The following DNM3 variants were observed in gnomAD, a reference collection of about 807,000 sequenced individuals.
The protein encoded by DNM3 is dynamin-3.
A neutral mutation model predicts 101.6 loss-of-function variants in DNM3; 47 were observed. The observed-to-expected ratio is 0.46, with a 90% confidence interval of 0.37 to 0.59. The LOEUF (loss-of-function observed/expected upper bound fraction) is 0.59, where lower values mean the gene tolerates loss of function less well. Ranked by LOEUF, DNM3 falls within the 20% of genes least tolerant of loss-of-function variation. The pLI is 0.00. For missense variants in DNM3, 849 were observed against 1,085.7 expected (o/e 0.78, Z 3.06); for synonymous variants, 385 against 387.9 (o/e 0.99, Z 0.09).
intron 14 of DNM3, among the ~76,000 whole-genome samples, chr1:172,161,335 G>C (rs1336229571): frequency 6.6e-6 from 1 of 151,848 alleles, no homozygotes; most frequent in Admixed American, 6.6e-5. Flanking sequence ...CAGAGCACTC[G>C]AATGTTATCA....
At chr1:172,106,474 G>A (rs569444475) in intron 13 of DNM3, among the ~76,000 whole-genome samples, 1 of 151,972 alleles carries the variant, frequency 6.6e-6, no homozygotes, top group African/African-American at 2.4e-5. Flanking sequence ...AGGAGGGAGA[G>A]GATACCTAAT....
chr1:171,962,529 C>T (rs1041281831), intron 2 of DNM3, among the ~76,000 whole-genome samples: 1 of 152,080 alleles, frequency 6.6e-6, no homozygotes, highest in African/African-American at 2.4e-5. Flanking sequence ...TTATTTCTCA[C>T]GGTTCTGGAG....
intron 2 of DNM3, among the ~76,000 whole-genome samples, chr1:171,943,247 G>C (rs2041938119): frequency 6.6e-6 from 1 of 152,168 alleles, no homozygotes; most frequent in African/African-American, 2.4e-5. Flanking sequence ...TCTTGTTTTT[G>C]TCAACCAAAA....
At chr1:171,904,927 G>C (rs958433762) in intron 1 of DNM3, among the ~76,000 whole-genome samples, 1 of 152,116 alleles carries the variant, frequency 6.6e-6, no homozygotes, top group South Asian at 2.1e-4. Context: ...GGGGGATTGC[G>C]CTGGACAAGT....
intron 2 of DNM3, among the ~76,000 whole-genome samples, chr1:171,985,190 G>T (rs985417747): frequency 1.3e-5 from 2 of 152,128 alleles, no homozygotes; most frequent in Non-Finnish European, 2.9e-5. Flanking sequence ...ATAGCCATAA[G>T]TCTTGAAGGG....
intron 13 of DNM3, among the ~76,000 whole-genome samples, chr1:172,095,320 C>G (rs1458590481): frequency 6.6e-6 from 1 of 152,156 alleles, no homozygotes; most frequent in Non-Finnish European, 1.5e-5. Context: ...GATAAATCCT[C>G]TCACATCAGA....
intron 16 of DNM3, among the ~76,000 whole-genome samples, chr1:172,320,537 A>G (rs1443197155): frequency 1.3e-5 from 2 of 152,098 alleles, no homozygotes; most frequent in Admixed American, 1.3e-4. Context: ...ACAACAGAAA[A>G]CCAAACACTG....
At position 172,287,696 on chromosome 1, in the gene DNM3, C is replaced by T. The variant is rs151179497; in HGVS notation, c.1770-21032C>T. Among the ~76,000 whole-genome samples the T allele has an allele frequency of 3.2e-3, 490 of 151,762 alleles. 4 individuals are homozygous for T. Among genetic ancestry groups the T allele is most frequent in the African/African-American group, 0.011 (447 of 41,382 alleles). On this transcript the variant is annotated intron_variant, in intron 15 of 20. Coordinates refer to ENST00000627582, the MANE Select transcript of DNM3 (RefSeq NM_015569.5). ...CATGGTACTTTGAGACAACAGGCAACGGTCAACCTCCAATTTGAATGGTTG... is the reference window on the plus strand; with the variant it reads ...CATGGTACTTTGAGACAACAGGCAATGGTCAACCTCCAATTTGAATGGTTG...
At chr1:172,176,957 T>A (rs2059173797) in intron 14 of DNM3, among the ~76,000 whole-genome samples, 1 of 151,832 alleles carries the variant, frequency 6.6e-6, no homozygotes, top group Non-Finnish European at 1.5e-5. Flanking sequence ...AACGAAAGCC[T>A]GCTCTAGGGC....
intron 10 of DNM3, among the ~76,000 whole-genome samples, chr1:172,057,070 G>C (rs1309681322): frequency 6.6e-6 from 1 of 152,056 alleles, no homozygotes; most frequent in Non-Finnish European, 1.5e-5. Context: ...GAGCCGATGT[G>C]ATCAACTGGA....
At chr1:172,392,507 A>C (rs1232306288) in intron 20 of DNM3, among the ~76,000 whole-genome samples, 2 of 152,166 alleles carry the variant, frequency 1.3e-5, no homozygotes, top group Non-Finnish European at 1.5e-5. Flanking sequence ...GAAGATCCTG[A>C]TCTTCATCAG....
intron 2 of DNM3, among the ~76,000 whole-genome samples, chr1:171,983,949 C>A (rs2045035812): frequency 6.6e-6 from 1 of 152,120 alleles, no homozygotes; most frequent in African/African-American, 2.4e-5. Flanking sequence ...CATCCCATCC[C>A]ATCCCTTCTC....
At chr1:171,990,981 A>G (rs1028495944) in intron 4 of DNM3, among the ~76,000 whole-genome samples, 1 of 152,070 alleles carries the variant, frequency 6.6e-6, no homozygotes, top group Non-Finnish European at 1.5e-5. Context: ...CTTCTTTCCC[A>G]TAGGAGATTG....
rs142592932 is a variant in DNM3 at position 171,904,243 on chromosome 1, G to A, written c.162-17505G>A. ...GGATCACCTGAGCCCAGGAGATAGAGGTTGCAGTGAGCTGAGATTGTGCCA... is the reference window on the plus strand; with the variant it reads ...GGATCACCTGAGCCCAGGAGATAGAAGTTGCAGTGAGCTGAGATTGTGCCA... On this transcript the variant is annotated intron_variant, in intron 1 of 20. Coordinates refer to ENST00000627582, the MANE Select transcript of DNM3 (RefSeq NM_015569.5). Among the ~76,000 whole-genome samples, 478 of 152,224 alleles carry A rather than the reference G, an allele frequency of 3.1e-3. 8 individuals are homozygous for A. Among genetic ancestry groups the A allele is most frequent in the Admixed American group, 0.028 (428 of 15,290 alleles).
At chr1:172,111,874 TA>T (rs1233935101) in intron 13 of DNM3, among the ~76,000 whole-genome samples, 2 of 152,116 alleles carry the variant, frequency 1.3e-5, no homozygotes, top group African/African-American at 4.8e-5. Context: ...AAGGACAAAT[TA>T]TAAAACTTCA....
At chr1:172,188,149 G>C (rs531628775) in intron 14 of DNM3, among the ~76,000 whole-genome samples, 1 of 152,044 alleles carries the variant, frequency 6.6e-6, no homozygotes, top group East Asian at 1.9e-4. Flanking sequence ...TCTTTATTTT[G>C]TGTATTTATA....
At chr1:171,942,554 G>A (rs1057397371) in intron 2 of DNM3, among the ~76,000 whole-genome samples, 44 of 152,070 alleles carry the variant, frequency 2.9e-4, no homozygotes, top group Middle Eastern at 3.2e-3. Flanking sequence ...AATATTTATT[G>A]GGAGCTTCTA....
At chr1:172,153,192 C>T (rs1035242717) in intron 14 of DNM3, among the ~76,000 whole-genome samples, 4 of 152,076 alleles carry the variant, frequency 2.6e-5, no homozygotes, top group African/African-American at 9.7e-5. Flanking sequence ...AGATACCTAC[C>T]TCAGAGGTGG....
At chr1:172,316,387 A>C (rs1013325673) in intron 16 of DNM3, among the ~76,000 whole-genome samples, 2 of 152,162 alleles carry the variant, frequency 1.3e-5, no homozygotes, top group East Asian at 1.9e-4. Context: ...CACACATAAC[A>C]ATATTAACTT....
Sources: gnomAD v4.1 joint callset for allele counts (sites outside exome capture counted in the v4.1 genomes callset) on GRCh38, gnomAD v4.1.1 for gene constraint, MANE v1.5 for transcripts, NCBI Gene and HGNC (gene_info 2026-07-23, HGNC 2026-07-21) for gene names.